The following THBS4 variants were observed in gnomAD, a reference collection of about 807,000 sequenced individuals.
THBS4 encodes the protein thrombospondin 4, also known as thrombospondin-4.
In THBS4, 90 loss-of-function variants were observed where a neutral mutation model predicts 115.7. The observed-to-expected ratio is 0.78, with a 90% CI of 0.66 to 0.93. The LOEUF (loss-of-function observed/expected upper bound fraction) is 0.93, where lower values mean the gene tolerates loss of function less well. Among genes scored for constraint, THBS4 ranks in the 40% least tolerant of loss-of-function variants. THBS4 has a pLI of 0.00. For missense variants in THBS4, 1,087 were observed against 1,232.7 expected (o/e 0.88, Z 1.77); for synonymous variants, 460 against 479.3 (o/e 0.96, Z 0.53).
At chr5:80,070,554 CA>C in intron 11 of THBS4, 88 bp from the exon 12 acceptor site, 1 of 1,417,114 alleles carries the variant, frequency 7.1e-7, no homozygotes, top group Admixed American at 1.7e-5. Context: ...CAGCCACCAA[CA>C]ATAAAGCCAC....
At position 80,079,207 on chromosome 5, in the gene THBS4, T is replaced by G. The variant is rs1409784385; in HGVS notation, c.2460T>G (p.Tyr820Ter). Residue 820 changes from tyrosine to a stop codon, truncating the protein, a stop_gained, in exon 19 of 22, where the codon TAT (tyrosine) becomes TAG (stop). Transcript: ENST00000350881. LOFTEE classifies it high-confidence loss of function. ...VVMWKQTEQT[Y>*]WQATPFRAVA... ...TGTGGAAGCAGACGGAGCAGACATATTGGCAAGCCACCCCATTCCGAGCAG... is the reference window on the plus strand; with the variant it reads ...TGTGGAAGCAGACGGAGCAGACATAGTGGCAAGCCACCCCATTCCGAGCAG... 1 of 1,614,000 alleles carries G rather than the reference T, an allele frequency of 6.2e-7. No homozygotes were observed. Among genetic ancestry groups the G allele is most frequent in the Non-Finnish European group, 8.5e-7 (1 of 1,180,004 alleles).
rs1253976345 is a variant in THBS4, at chr5:80,070,312, G to A, written c.1354G>A (p.Val452Ile). ...ATGGGCTTTCCCTTTACAGTGTGGA[G>A]TCGGTTGGGCTGGAGATGGCTATAT... ...RQGDVTCVCG[V>I]GWAGDGYICG... Residue 452 changes from valine (V) to isoleucine (I), a missense_variant, in exon 11 of 22, where the codon GTC becomes ATC. By Grantham distance (29) the Val-to-Ile change is conservative. Around this residue, in one of 3 missense-constraint regions of THBS4, gnomAD observed 979 missense variants for 1,103.7 expected, o/e 0.89. Coordinates refer to ENST00000350881, the MANE Select transcript of THBS4 (RefSeq NM_003248.6). 6.3e-7 allele frequency: 1 copy of A among 1,582,286 alleles called. No homozygotes were observed. The highest frequency in any genetic ancestry group is 8.6e-7 in the Non-Finnish European group (1 of 1,166,628).
chr5:80,070,723 T>C lies in THBS4; in HGVS notation c.1533T>C (p.Ala511=), dbSNP rs766125219. 6.2e-7 allele frequency: 1 copy of C among 1,614,198 alleles called. No individual in the cohort carries two copies. The highest frequency in any genetic ancestry group is 1.1e-5 in the South Asian group (1 of 91,084). ...TTGGCGACGCTTGTGACGAGGATGC[T>C]GACGGAGATGGGATCCTGAATGAGC... is the stretch of plus-strand genomic sequence containing the variant. ...DGIGDACDED[A]DGDGILNEQD... is the part of the protein sequence containing the mutation. The change falls in exon 12 of 22, where the codon GCT becomes GCC. Residue 511 remains alanine, a synonymous_variant. Coordinates refer to ENST00000350881, the MANE Select transcript of THBS4 (RefSeq NM_003248.6).
chr5:80,001,016 A>G (rs1831887848), intron 2 of THBS4, among the ~76,000 whole-genome samples: 1 of 152,140 alleles, frequency 6.6e-6, no homozygotes, highest in Admixed American at 6.5e-5. Context: ...GATAACTTGT[A>G]CCTATGGACA....
chr5:80,056,070 G>A (rs1233252630), intron 3 of THBS4, 38 bp downstream of exon 3: 1 of 1,561,542 alleles, frequency 6.4e-7, no homozygotes, highest in Admixed American at 1.9e-5. Context: ...GTGGAAAAAT[G>A]AGCTGCCAGT....
chr5:80,057,151 A>T (rs2112089191), intron 3 of THBS4, among the ~76,000 whole-genome samples: 1 of 152,342 alleles, frequency 6.6e-6, no homozygotes, highest in Middle Eastern at 3.4e-3. Context: ...CTCTTTCTGC[A>T]TCCCCATAGT....
intron 19 of THBS4, 26 bp downstream of exon 19, chr5:80,079,284 C>G (rs770278755): frequency 2.5e-6 from 4 of 1,568,904 alleles, no homozygotes; most frequent in Non-Finnish European, 3.5e-6. Flanking sequence ...AGTCATTCAT[C>G]TCCCTTTCTT....
At chr5:79,997,103 AG>A (rs1215057654) in intron 1 of THBS4, among the ~76,000 whole-genome samples, 3 of 151,686 alleles carry the variant, frequency 2.0e-5, no homozygotes, top group Non-Finnish European at 4.4e-5. Flanking sequence ...ATAGGTTGGA[AG>A]TGGGGAGGTA....
intron 2 of THBS4, among the ~76,000 whole-genome samples, chr5:80,051,473 A>G (rs1430971846): frequency 1.3e-5 from 2 of 152,218 alleles, no homozygotes; most frequent in African/African-American, 2.4e-5. Flanking sequence ...TCTGCTAACA[A>G]ACAGACATTG....
intron 2 of THBS4, among the ~76,000 whole-genome samples, chr5:80,007,921 A>G (rs1832049682): frequency 6.6e-6 from 1 of 152,238 alleles, no homozygotes; most frequent in Non-Finnish European, 1.5e-5. Context: ...TAATTAAGGC[A>G]ATAGATGCTC....
intron 2 of THBS4, among the ~76,000 whole-genome samples, chr5:80,026,741 C>T (rs1347419990): frequency 6.6e-6 from 1 of 152,160 alleles, no homozygotes; most frequent in Non-Finnish European, 1.5e-5. Context: ...AAGCAGTGGG[C>T]CAGATTCAGC....
intron 10 of THBS4, chr5:80,068,535 C>T (rs1296619686): frequency 5.4e-6 from 1 of 185,956 alleles, no homozygotes; most frequent in African/African-American, 2.4e-5. Context: ...TCTAACTGTC[C>T]TCATCCTTAC....
At chr5:80,061,863 C>A in intron 8 of THBS4, 31 bp downstream of exon 8, 2 of 1,578,308 alleles carry the variant, frequency 1.3e-6, no homozygotes, top group South Asian at 1.1e-5. Flanking sequence ...CTATTCATTT[C>A]TCATCTTAAC....
At chr5:80,053,815 C>T (rs1206835445) in intron 2 of THBS4, among the ~76,000 whole-genome samples, 2 of 152,116 alleles carry the variant, frequency 1.3e-5, no homozygotes, top group South Asian at 2.1e-4. Flanking sequence ...CTGCCCACCT[C>T]GGCCTCCCAA....
At chr5:80,003,537 C>T (rs1002395029) in intron 2 of THBS4, among the ~76,000 whole-genome samples, 2 of 152,190 alleles carry the variant, frequency 1.3e-5, no homozygotes, top group African/African-American at 2.4e-5. Context: ...ATGGTATTCT[C>T]ATCTCTACTT....
chr5:80,037,361 T>C (rs1342776016), intron 1 of THBS4, among the ~76,000 whole-genome samples: 1 of 152,204 alleles, frequency 6.6e-6, no homozygotes, highest in East Asian at 1.9e-4. Flanking sequence ...CAGGATAATT[T>C]GATTATCTCC....
chr5:80,055,352 A>G (rs1833388033), intron 2 of THBS4, among the ~76,000 whole-genome samples: 1 of 151,478 alleles, frequency 6.6e-6, no homozygotes, highest in Non-Finnish European at 1.5e-5. Flanking sequence ...GAAATCAAGT[A>G]TTTAAAGCAC....
chr5:80,082,177 C>A, intron 20 of THBS4: 1 of 418,908 alleles, frequency 2.4e-6, no homozygotes. Context: ...ACACCCCCCA[C>A]CCCCCTCCAC....
At position 80,076,966 on chromosome 5, in the gene THBS4, CA is replaced by C; in HGVS notation, c.2006del (p.Asn669MetfsTer59). ...IGDECDDDDDNDGIPDLVPPG... is the reference protein window; with the variant it reads ...IGDECDDDDDXDGIPDLVPPG... The stretch of plus-strand genomic sequence containing the variant: ...GTGACGAGTGTGATGATGATGATGA[CA>C]ATGATGGTATCCCAGACCTGGTGCC... On this transcript the variant is annotated frameshift_variant, in exon 16 of 22. Transcript: ENST00000350881. LOFTEE classifies it high-confidence loss of function. The C allele has an allele frequency of 2.5e-6, 4 of 1,613,774 alleles. No homozygotes were observed. Among genetic ancestry groups the C allele is most frequent in the Non-Finnish European group, 8.5e-7 (1 of 1,179,866 alleles).
Sources: gnomAD v4.1 joint callset for allele counts (sites outside exome capture counted in the v4.1 genomes callset) on GRCh38, gnomAD v4.1.1 for gene constraint, gnomAD v4.1.1 regional missense constraint, MANE v1.5 for transcripts, NCBI Gene and HGNC (gene_info 2026-07-23, HGNC 2026-07-21) for gene names.